The following IL7 variants were observed in gnomAD, a reference collection of about 807,000 sequenced individuals.
IL7 encodes interleukin-7.
Under a neutral mutation model 21.6 loss-of-function variants are expected in IL7, and 3 were observed. The observed-to-expected ratio is 0.14, with a 90% CI of 0.06 to 0.36. IL7 has a LOEUF of 0.36. Ranked by LOEUF, IL7 falls within the 10% of genes least tolerant of loss-of-function variation. The pLI is 1.00. For synonymous variants in IL7, 62 were observed against 68.1 expected (o/e 0.91, Z 0.44); for missense variants, 175 against 200.2 (o/e 0.87, Z 0.76).
intron 2 of IL7, among the ~76,000 whole-genome samples, chr8:78,755,416 T>C (rs1053092647): frequency 4.6e-5 from 7 of 152,048 alleles, no homozygotes; most frequent in African/African-American, 1.7e-4. Flanking sequence ...TTGCTTTGTG[T>C]AGTATGGTCA....
At chr8:78,680,073 G>C (rs879376839) in intron 4 of IL7, among the ~76,000 whole-genome samples, 2 of 151,972 alleles carry the variant, frequency 1.3e-5, no homozygotes, top group Non-Finnish European at 2.9e-5. Context: ...ATGTAATTAT[G>C]CTTCTGTTCA....
At chr8:78,714,981 A>G (rs1811055157), downstream of IL7, among the ~76,000 whole-genome samples, 1 of 152,208 alleles carries the variant, frequency 6.6e-6, no homozygotes, top group African/African-American at 2.4e-5. Flanking sequence ...TGTAAAGCAT[A>G]TATACATATT....
chr8:78,697,905 C>T (rs1350105554), intron 3 of IL7, among the ~76,000 whole-genome samples: 2 of 152,096 alleles, frequency 1.3e-5, no homozygotes, highest in African/African-American at 2.4e-5. Context: ...ATCTCTATCT[C>T]CTGAACTCGT....
chr8:78,786,988 T>C (rs1242592392), intron 2 of IL7, among the ~76,000 whole-genome samples: 4 of 152,164 alleles, frequency 2.6e-5, no homozygotes, highest in Non-Finnish European at 1.5e-5. Context: ...AGCTTACAAA[T>C]AGCTGAACAT....
intron 2 of IL7, chr8:78,761,175 C>A: frequency 6.3e-7 from 1 of 1,592,736 alleles, no homozygotes; most frequent in South Asian, 1.2e-5. Flanking sequence ...TCCTTCAGTT[C>A]TTTACCCCTT....
chr8:78,697,514 T>C (rs1481266892), intron 3 of IL7: 29 of 1,600,520 alleles, frequency 1.8e-5, no homozygotes, highest in Non-Finnish European at 2.3e-5. Context: ...TAGGTAATGA[T>C]AGCCGAAAAG....
chr8:78,710,411 A>G (rs1200012000), intron 3 of IL7, among the ~76,000 whole-genome samples: 2 of 152,110 alleles, frequency 1.3e-5, no homozygotes, highest in African/African-American at 2.4e-5. Context: ...CAATCTTTTT[A>G]TATATGTAAT....
At chr8:78,752,841 G>A (rs1192987933) in intron 2 of IL7, among the ~76,000 whole-genome samples, 4 of 152,032 alleles carry the variant, frequency 2.6e-5, no homozygotes, top group Admixed American at 6.6e-5. Context: ...GAGAACGTGC[G>A]GTCTTTGGTT....
chr8:78,684,728 C>T (rs899213866), intron 4 of IL7, among the ~76,000 whole-genome samples: 12 of 151,936 alleles, frequency 7.9e-5, no homozygotes, highest in African/African-American at 2.9e-4. Context: ...GCTCTTGAGA[C>T]ATAGCAATGA....
chr8:78,771,725 A>G (rs955080779), intron 2 of IL7, among the ~76,000 whole-genome samples: 4 of 152,118 alleles, frequency 2.6e-5, no homozygotes, highest in African/African-American at 7.2e-5. Context: ...ACTGACACAA[A>G]TACTTACACA....
chr8:78,752,956 G>GGT (rs951652855), intron 2 of IL7, among the ~76,000 whole-genome samples: 2 of 152,114 alleles, frequency 1.3e-5, no homozygotes, highest in Non-Finnish European at 1.5e-5. Context: ...AGTATTCCAT[G>GGT]GTGTATATGT....
At chr8:78,768,714 T>C (rs1162650382) in intron 2 of IL7, among the ~76,000 whole-genome samples, 4 of 152,050 alleles carry the variant, frequency 2.6e-5, no homozygotes, top group Admixed American at 2.6e-4. Context: ...TCTCCCATTT[T>C]GTATGTTGCC....
intron 2 of IL7, among the ~76,000 whole-genome samples, chr8:78,772,485 A>G (rs1812990953): frequency 6.6e-6 from 1 of 152,172 alleles, no homozygotes; most frequent in African/African-American, 2.4e-5. Context: ...GTGCAACAGT[A>G]AGACTACTTT....
chr8:78,754,618 C>T (rs1247622829), intron 2 of IL7, among the ~76,000 whole-genome samples: 1 of 152,176 alleles, frequency 6.6e-6, no homozygotes, highest in Non-Finnish European at 1.5e-5. Flanking sequence ...CTGGAGGCGT[C>T]ACGCTACCTG....
intron 2 of IL7, among the ~76,000 whole-genome samples, chr8:78,743,463 G>A (rs150616223): frequency 6.7e-4 from 101 of 151,684 alleles, no homozygotes; most frequent in East Asian, 4.9e-3. Context: ...CATATTTCTC[G>A]GAGGTTTTGT....
chr8:78,755,626 C>T (rs1812321042), intron 2 of IL7, among the ~76,000 whole-genome samples: 1 of 151,576 alleles, frequency 6.6e-6, no homozygotes, highest in South Asian at 2.1e-4. Context: ...TTGATTTCTC[C>T]TTCAGCTAGT....
chr8:78,772,277 T>C (rs532204369), intron 2 of IL7, among the ~76,000 whole-genome samples: 25 of 152,302 alleles, frequency 1.6e-4, no homozygotes, highest in Non-Finnish European at 3.7e-4. Flanking sequence ...GAGTTGACAA[T>C]ATAAGTGCTA....
chr8:78,782,685 C>T (rs1813377346), intron 2 of IL7, among the ~76,000 whole-genome samples: 1 of 152,006 alleles, frequency 6.6e-6, no homozygotes, highest in Non-Finnish European at 1.5e-5. Context: ...GGTGGTCTCA[C>T]CCAGTCAGGA....
rs755827437 is a variant in IL7, at chr8:78,675,843, A to C, written n.535T>G. 5 of 1,611,304 alleles carry C rather than the reference A, an allele frequency of 3.1e-6. No individual in the cohort carries two copies. The African/African-American group carries it at 5.3e-5, about 17-fold the overall frequency. ...GTTACCTTGCAAGATTTGTGGAAGA[A>C]CATTCTTTCCAGTAGCATTAGTGAG... is the stretch of plus-strand genomic sequence containing the variant. On this transcript the variant is annotated non_coding_transcript_exon_variant, in exon 5 of 5. Transcript: ENST00000523959.
Sources: allele counts gnomAD v4.1 joint callset (sites outside exome capture counted in the v4.1 genomes callset), GRCh38; gene constraint gnomAD v4.1.1; transcripts MANE v1.5; gene names NCBI Gene and HGNC (gene_info 2026-07-23, HGNC 2026-07-21).